EPHA6: variants seen among roughly 807,000 people sequenced by gnomAD.
The protein encoded by EPHA6 is EPH receptor A6.
In EPHA6, 50 loss-of-function variants were observed where a neutral mutation model predicts 112.0. That is an observed-to-expected ratio of 0.45 (90% CI 0.36 to 0.56). EPHA6 has a LOEUF of 0.56. Ranked by LOEUF, EPHA6 falls within the 20% of genes least tolerant of loss-of-function variation. The pLI is 0.00. For missense variants in EPHA6, 1,280 were observed against 1,417.4 expected (o/e 0.90, Z 1.56); for synonymous variants, 529 against 490.7 (o/e 1.08, Z -1.03).
intron 2 of EPHA6, among the ~76,000 whole-genome samples, chr3:96,969,560 T>G (rs2042242908): frequency 6.6e-6 from 1 of 151,958 alleles, no homozygotes; most frequent in South Asian, 2.1e-4. Flanking sequence ...TAAAGCAACA[T>G]TAGTGGTCCA....
At chr3:97,201,810 T>C (rs1168003014) in intron 3 of EPHA6, among the ~76,000 whole-genome samples, 1 of 152,126 alleles carries the variant, frequency 6.6e-6, no homozygotes, top group Non-Finnish European at 1.5e-5. Context: ...TGCTGTTATA[T>C]GCAGCAACAC....
chr3:97,605,224 A>G (rs537636010), intron 12 of EPHA6, among the ~76,000 whole-genome samples: 12 of 151,606 alleles, frequency 7.9e-5, no homozygotes, highest in Admixed American at 2.6e-4. Context: ...AGATAACAAG[A>G]AGGCAGTCTT....
intron 1 of EPHA6, among the ~76,000 whole-genome samples, chr3:96,838,094 A>G (rs2034525610): frequency 6.7e-6 from 1 of 148,704 alleles, no homozygotes; most frequent in South Asian, 2.1e-4. Flanking sequence ...CCCCCACCCA[A>G]TGTGTCCATA....
chr3:97,213,505 A>C (rs940052551), intron 3 of EPHA6, among the ~76,000 whole-genome samples: 1 of 152,170 alleles, frequency 6.6e-6, no homozygotes, highest in Non-Finnish European at 1.5e-5. Context: ...GAGCATTATG[A>C]GTTCTGATTC....
At chr3:96,885,030 T>G (rs2037543968) in intron 2 of EPHA6, among the ~76,000 whole-genome samples, 1 of 152,208 alleles carries the variant, frequency 6.6e-6, no homozygotes, top group Non-Finnish European at 1.5e-5. Flanking sequence ...TCACATTTAT[T>G]GACTTGTGTA....
At chr3:97,499,225 A>G (rs2092058311) in intron 10 of EPHA6, among the ~76,000 whole-genome samples, 1 of 152,148 alleles carries the variant, frequency 6.6e-6, no homozygotes, top group Non-Finnish European at 1.5e-5. Flanking sequence ...ATTAAACGTT[A>G]CTTATTGACT....
Position 97,182,167 on chromosome 3 carries a change from C to T in EPHA6, c.1115-44097C>T, listed in dbSNP as rs1419932475. 2.6e-5 allele frequency among the ~76,000 whole-genome samples: 4 copies of T among 152,006 alleles called. No individual in the cohort carries two copies. The East Asian group carries it at 7.8e-4, about 29-fold the overall frequency. ...ATGCACTACATTTATTTTTCTCATT[C>T]TGTCAGTTTGGCTTCTATTTCCTAT... is the stretch of plus-strand genomic sequence containing the variant. On this transcript the variant is annotated intron_variant, in intron 3 of 17. Coordinates refer to ENST00000389672, the MANE Select transcript of EPHA6 (RefSeq NM_001080448.3).
chr3:97,138,516 A>G (rs1265415691), intron 3 of EPHA6, among the ~76,000 whole-genome samples: 2 of 152,224 alleles, frequency 1.3e-5, no homozygotes, highest in Non-Finnish European at 1.5e-5. Context: ...GACCCACAGC[A>G]TAGCAACCAT....
chr3:97,101,252 ATATCTATTC>A (rs1387907199), intron 3 of EPHA6, among the ~76,000 whole-genome samples: 1 of 152,044 alleles, frequency 6.6e-6, no homozygotes, highest in Non-Finnish European at 1.5e-5. Flanking sequence ...AGCTTTGCAG[ATATCTATTC>A]TAACCACTTC....
At chr3:96,837,622 C>A (rs759774325) in intron 1 of EPHA6, among the ~76,000 whole-genome samples, 22 of 151,984 alleles carry the variant, frequency 1.4e-4, no homozygotes, top group Non-Finnish European at 2.6e-4. Context: ...TAATATCTTA[C>A]TTTTGGACCA....
At chr3:97,038,118 A>G (rs549221043) in intron 3 of EPHA6, among the ~76,000 whole-genome samples, 1 of 152,076 alleles carries the variant, frequency 6.6e-6, no homozygotes, top group Admixed American at 6.6e-5. Flanking sequence ...AGTAATTGGG[A>G]TATCCTTCAT....
intron 2 of EPHA6, among the ~76,000 whole-genome samples, chr3:96,941,564 T>C (rs2040950303): frequency 6.6e-6 from 1 of 152,046 alleles, no homozygotes; most frequent in Non-Finnish European, 1.5e-5. Context: ...TAGCTCGGAG[T>C]AGTTTGATCG....
chr3:97,598,150 TTTTA>T (rs1014563399), intron 12 of EPHA6, among the ~76,000 whole-genome samples: 58 of 152,118 alleles, frequency 3.8e-4, no homozygotes, highest in Middle Eastern at 3.4e-3. Flanking sequence ...TTTTTTTATT[TTTTA>T]TTTATTTATT....
At chr3:97,236,881 A>G (rs2078694151) in intron 4 of EPHA6, among the ~76,000 whole-genome samples, 1 of 152,022 alleles carries the variant, frequency 6.6e-6, no homozygotes, top group South Asian at 2.1e-4. Context: ...TCCTCTTTTC[A>G]GCTGCTCTAG....
chr3:97,730,961 A>G (rs188387132), intron 15 of EPHA6, among the ~76,000 whole-genome samples: 2 of 152,116 alleles, frequency 1.3e-5, no homozygotes, highest in Non-Finnish European at 2.9e-5. Context: ...AGCCAGGCAC[A>G]TGGTGAGCCA....
chr3:97,513,760 C>A (rs958619848), intron 10 of EPHA6, among the ~76,000 whole-genome samples: 1 of 151,916 alleles, frequency 6.6e-6, no homozygotes, highest in Non-Finnish European at 1.5e-5. Flanking sequence ...GAGAATGGTG[C>A]ATATGTCAAT....
chr3:96,851,091 T>C (rs554473610), intron 1 of EPHA6, among the ~76,000 whole-genome samples: 71 of 152,224 alleles, frequency 4.7e-4, no homozygotes, highest in Non-Finnish European at 7.1e-4. Flanking sequence ...TATGGAATTA[T>C]TATGCCATGG....
In EPHA6 at chr3:97,472,714, T is replaced by C. The variant is rs141220316; in HGVS notation, c.1895-2638T>C. ...CTGCATGGATAACACAATATCATAG[T>C]ACAATTGCTCTGAAAGATTGTGACA... is the stretch of plus-strand genomic sequence containing the variant. On this transcript the variant is annotated intron_variant, in intron 7 of 17. Coordinates refer to ENST00000389672, the MANE Select transcript of EPHA6 (RefSeq NM_001080448.3). Among the ~76,000 whole-genome samples the C allele has an allele frequency of 3.6e-3, 554 of 151,972 alleles. 2 individuals carry two copies. The highest frequency in any genetic ancestry group is 0.013 in the African/African-American group (519 of 41,512).
chr3:97,007,380 T>A (rs1436485521), intron 3 of EPHA6, among the ~76,000 whole-genome samples: 1 of 152,108 alleles, frequency 6.6e-6, no homozygotes, highest in Non-Finnish European at 1.5e-5. Flanking sequence ...TCTTTTTTGA[T>A]CTCTGTTGGT....
Sources: gnomAD v4.1 joint callset for allele counts (sites outside exome capture counted in the v4.1 genomes callset) on GRCh38, gnomAD v4.1.1 for gene constraint, MANE v1.5 for transcripts, NCBI Gene and HGNC (gene_info 2026-07-23, HGNC 2026-07-21) for gene names.